The following TP63 variants were observed in gnomAD, a reference collection of about 807,000 sequenced individuals.
The protein encoded by TP63 is tumor protein p63, also known as tumor protein 63.
Under a neutral mutation model 82.8 loss-of-function variants are expected in TP63, and 17 were observed. That is an observed-to-expected ratio of 0.21 (90% confidence interval 0.14 to 0.31). TP63 has a LOEUF of 0.31. Among genes scored for constraint, TP63 ranks in the 10% least tolerant of loss-of-function variants. The pLI is 1.00. For missense variants in TP63, 648 were observed against 895.3 expected (o/e 0.72, Z 3.52); for synonymous variants, 330 against 321.7 (o/e 1.03, Z -0.28).
At chr3:189,789,921 G>T (rs1244855689) in intron 3 of TP63, 5 of 1,365,120 alleles carry the variant, frequency 3.7e-6, no homozygotes, top group Admixed American at 2.8e-5. Context: ...ACGTATTTGC[G>T]GTTCTCGGTC....
intron 3 of TP63, among the ~76,000 whole-genome samples, chr3:189,775,480 C>T (rs1576928674): frequency 6.6e-6 from 1 of 152,220 alleles, no homozygotes. Context: ...TCGTAATATG[C>T]CATGTTTTCT....
At chr3:189,671,648 C>T (rs993371669) in intron 1 of TP63, among the ~76,000 whole-genome samples, 1 of 151,856 alleles carries the variant, frequency 6.6e-6, no homozygotes, top group South Asian at 2.1e-4. Context: ...AAATGTCCAT[C>T]AATGGATGAA....
intron 3 of TP63, among the ~76,000 whole-genome samples, chr3:189,802,192 G>T (rs896906566): frequency 6.6e-6 from 1 of 152,208 alleles, no homozygotes; most frequent in African/African-American, 2.4e-5. Context: ...GGATGGAAAT[G>T]TAGTACTCTC....
chr3:189,688,549 G>A (rs909446458), intron 1 of TP63, among the ~76,000 whole-genome samples: 5 of 151,980 alleles, frequency 3.3e-5, no homozygotes, highest in African/African-American at 4.8e-5. Context: ...CTGACCTATC[G>A]TCTCTCAAAA....
chr3:189,631,182 C>G (rs755420413), upstream of TP63: 1 of 810,952 alleles, frequency 1.2e-6, no homozygotes, highest in Non-Finnish European at 1.4e-6. Context: ...GCCTCCAGCT[C>G]CAAATTGCCA....
At chr3:189,789,392 G>GT (rs1366407312) in intron 3 of TP63, among the ~76,000 whole-genome samples, 1 of 151,624 alleles carries the variant, frequency 6.6e-6, no homozygotes, top group Non-Finnish European at 1.5e-5. Context: ...GATTTGTTTT[G>GT]TTTTTAAAAG....
the TP63 span, among the ~76,000 whole-genome samples, chr3:189,625,578 AT>A: frequency 6.6e-6 from 1 of 152,174 alleles, no homozygotes; most frequent in Non-Finnish European, 1.5e-5. Context: ...TATGGATATA[AT>A]TTTTTAATTT....
At chr3:189,739,764 T>C (rs1260504099) in intron 3 of TP63, among the ~76,000 whole-genome samples, 1 of 151,656 alleles carries the variant, frequency 6.6e-6, no homozygotes, top group Admixed American at 6.6e-5. Context: ...TTTGTGCAGT[T>C]TCATAATGCT....
At chr3:189,622,904 C>T in the TP63 span, among the ~76,000 whole-genome samples, 2 of 152,132 alleles carry the variant, frequency 1.3e-5, no homozygotes, top group South Asian at 2.1e-4. Context: ...GTGTTCTGTA[C>T]GATAAACCAC....
the TP63 span, among the ~76,000 whole-genome samples, chr3:189,608,761 C>A: frequency 1.3e-5 from 2 of 152,012 alleles, no homozygotes; most frequent in Non-Finnish European, 2.9e-5. Context: ...AAACACTAAG[C>A]CCCCATTTAT....
the TP63 span, among the ~76,000 whole-genome samples, chr3:189,612,411 C>T: frequency 6.6e-6 from 1 of 152,132 alleles, no homozygotes; most frequent in Non-Finnish European, 1.5e-5. Flanking sequence ...CTTGCTGCTG[C>T]CATGTAAGAA....
intron 1 of TP63, among the ~76,000 whole-genome samples, chr3:189,662,595 T>C (rs756364808): frequency 1.8e-4 from 27 of 152,120 alleles, no homozygotes; most frequent in Non-Finnish European, 3.7e-4. Context: ...CTAGTGTTTA[T>C]GTTCTTCATA....
rs1351533616 is a variant in TP63, at chr3:189,858,127, C to CA, written c.580-6105_580-6104insA. ...GGATAAGAAAATGTTGTGTATAGGC[C>CA]GGGCGCGGTGGCTCACGCCTGTAAT... On this transcript the variant is annotated intron_variant, in intron 4 of 13. Coordinates refer to ENST00000264731, the MANE Select transcript of TP63 (RefSeq NM_003722.5). Among the ~76,000 whole-genome samples the CA allele has an allele frequency of 1.9e-3, 279 of 144,570 alleles. 14 individuals carry two copies. The highest frequency in any genetic ancestry group is 6.8e-3 in the African/African-American group (264 of 38,602). The allele number at this position is 144,570 out of a possible 152,430, so 94.8% of individuals were successfully genotyped here. A position where few individuals can be genotyped will look rare whatever the true frequency, so the allele number is the denominator to read the frequency against.
At position 189,872,985 on chromosome 3, in the gene TP63, C is replaced by T. The variant is rs746969135; in HGVS notation, c.1339C>T (p.Leu447Phe). ...GCAACAGCAGCAGCACCAGCACTTA[C>T]TTCAGAAACAGTGAGTGTATCAACG... is the stretch of plus-strand genomic sequence containing the variant. ...QQQQQQHQHL[L>F]QKQTSIQSPS... The change falls in exon 10 of 14, where the codon CTT becomes TTT. Residue 447 changes from leucine (L) to phenylalanine (F), a missense_variant. Around this residue, in one of 5 missense-constraint regions of TP63, gnomAD observed 342 missense variants for 425.7 expected, o/e 0.80. Coordinates refer to ENST00000264731, the MANE Select transcript of TP63 (RefSeq NM_003722.5). 2 of 1,614,148 alleles carry T rather than the reference C, an allele frequency of 1.2e-6. No homozygotes were observed. The highest frequency in any genetic ancestry group is 8.5e-7 in the Non-Finnish European group (1 of 1,180,002).
intron 10 of TP63, among the ~76,000 whole-genome samples, chr3:189,884,249 G>A (rs1430238916): frequency 2.0e-5 from 3 of 152,216 alleles, no homozygotes; most frequent in African/African-American, 7.2e-5. Context: ...GCAGCCATAT[G>A]TGCTGACTCT....
intron 1 of TP63, among the ~76,000 whole-genome samples, chr3:189,723,770 T>C (rs1410224436): frequency 6.6e-6 from 1 of 152,236 alleles, no homozygotes; most frequent in African/African-American, 2.4e-5. Context: ...AGAAATACAT[T>C]ATTCTGGGTA....
chr3:189,748,622 A>G (rs1252480065), intron 3 of TP63, among the ~76,000 whole-genome samples: 2 of 151,834 alleles, frequency 1.3e-5, no homozygotes, highest in Non-Finnish European at 2.9e-5. Context: ...GCCCAAAGCA[A>G]TCTATAGATT....
intron 3 of TP63, among the ~76,000 whole-genome samples, chr3:189,792,688 C>A (rs1471705923): frequency 6.6e-6 from 1 of 152,014 alleles, no homozygotes; most frequent in African/African-American, 2.4e-5. Context: ...TGTATACGAT[C>A]GTGTTCCCTT....
At position 189,641,504 on chromosome 3, in the gene TP63, A is replaced by G. The variant is rs562169557; in HGVS notation, c.62+9927A>G. 9.2e-4 allele frequency among the ~76,000 whole-genome samples: 140 copies of G among 152,254 alleles called. 1 individual carries two copies. The highest frequency in any genetic ancestry group is 3.3e-3 in the African/African-American group (138 of 41,582). On this transcript the variant is annotated intron_variant, in intron 1 of 13. Transcript: ENST00000264731. Reference sequence around the variant, plus strand: ...AAATTTAGTAAAACAATTGTTTTCCATGCCATCTTCTAGGTTCATAATTTT... The same window carrying G: ...AAATTTAGTAAAACAATTGTTTTCCGTGCCATCTTCTAGGTTCATAATTTT...
Sources: gnomAD v4.1 joint callset for allele counts (sites outside exome capture counted in the v4.1 genomes callset) on GRCh38, gnomAD v4.1.1 for gene constraint, gnomAD v4.1.1 regional missense constraint, MANE v1.5 for transcripts, NCBI Gene and HGNC (gene_info 2026-07-23, HGNC 2026-07-21) for gene names.